The following ANKH variants were observed in gnomAD, a reference collection of about 807,000 sequenced individuals.
ANKH encodes ANKH inorganic pyrophosphate transport regulator.
Under a neutral mutation model 49.0 loss-of-function variants are expected in ANKH, and 15 were observed. The ratio of observed to expected loss-of-function variants is 0.31; its 90% CI spans 0.20 to 0.47. The LOEUF (loss-of-function observed/expected upper bound fraction) is 0.47. ANKH is among the 20% of genes least tolerant of loss of function. The pLI is 1.00. For missense variants in ANKH, 429 were observed against 652.0 expected (o/e 0.66, Z 3.72); for synonymous variants, 273 against 260.0 (o/e 1.05, Z -0.48).
At chr5:14,839,656 C>G (rs972793355) in intron 1 of ANKH, among the ~76,000 whole-genome samples, 1 of 152,166 alleles carries the variant, frequency 6.6e-6, no homozygotes, top group African/African-American at 2.4e-5. Flanking sequence ...ACTACCAAAG[C>G]TCAAGCCGTC....
At chr5:14,845,366 A>T (rs58167950) in intron 1 of ANKH, among the ~76,000 whole-genome samples, 3,730 of 75,610 alleles carry the variant, frequency 0.049, 146 homozygotes, top group African/African-American at 0.17. Context: ...ATATATATAT[A>T]TTTTTTTTTT....
At chr5:14,802,801 A>G (rs1248457228) in intron 1 of ANKH, among the ~76,000 whole-genome samples, 1 of 151,884 alleles carries the variant, frequency 6.6e-6, no homozygotes, top group Non-Finnish European at 1.5e-5. Context: ...GGGCTGGGTT[A>G]GCTCCCCACC....
chr5:14,829,303 C>T (rs566975342), intron 1 of ANKH, among the ~76,000 whole-genome samples: 2 of 151,752 alleles, frequency 1.3e-5, no homozygotes, highest in East Asian at 3.9e-4. Context: ...TCCAGAAAGG[C>T]TTACCCAGAA....
intron 1 of ANKH, among the ~76,000 whole-genome samples, chr5:14,817,218 GGC>G (rs1741063632): frequency 2.0e-5 from 3 of 152,128 alleles, no homozygotes; most frequent in Admixed American, 2.0e-4. Flanking sequence ...GGTGCATTTT[GGC>G]AGCCCTGTGT....
chr5:14,801,985 T>A (rs1740578428), intron 1 of ANKH, among the ~76,000 whole-genome samples: 1 of 152,210 alleles, frequency 6.6e-6, no homozygotes, highest in Non-Finnish European at 1.5e-5. Flanking sequence ...CATTTCCTAC[T>A]GTGCATTGCT....
intron 9 of ANKH, among the ~76,000 whole-genome samples, chr5:14,715,901 C>A (rs76769069): frequency 6.6e-6 from 1 of 152,242 alleles, no homozygotes; most frequent in Admixed American, 6.5e-5. Flanking sequence ...TCTTTTCTGA[C>A]CATCCATCTG....
chr5:14,771,861 C>T (rs1739439654), intron 1 of ANKH, among the ~76,000 whole-genome samples: 1 of 140,834 alleles, frequency 7.1e-6, no homozygotes, highest in South Asian at 2.3e-4. Context: ...TTGCGATGAG[C>T]TGAGATCATG....
intron 1 of ANKH, chr5:14,798,362 T>C: frequency 1.3e-6 from 2 of 1,561,384 alleles, no homozygotes; most frequent in Non-Finnish European, 1.8e-6. Context: ...TCACTCATTC[T>C]TCCACTGTGT....
chr5:14,714,097 C>T (rs536420231), intron 9 of ANKH, among the ~76,000 whole-genome samples: 15 of 152,388 alleles, frequency 9.8e-5, no homozygotes, highest in Non-Finnish European at 1.8e-4. Context: ...TCCCTGCCTG[C>T]GGTCAGAGGT....
intron 2 of ANKH, among the ~76,000 whole-genome samples, chr5:14,764,019 C>T (rs921910801): frequency 3.7e-4 from 56 of 151,676 alleles, no homozygotes; most frequent in African/African-American, 9.2e-4. Context: ...GCCTGGGAGG[C>T]GGAGGTTGCA....
intron 1 of ANKH, among the ~76,000 whole-genome samples, chr5:14,831,032 A>AT (rs781217781): frequency 1.3e-5 from 2 of 152,200 alleles, no homozygotes; most frequent in Non-Finnish European, 1.5e-5. Context: ...CAAAAAAAGA[A>AT]TTTTTTGAAT....
chr5:14,754,712 C>T (rs1738824497), intron 4 of ANKH, among the ~76,000 whole-genome samples: 2 of 151,878 alleles, frequency 1.3e-5, no homozygotes, highest in Non-Finnish European at 1.5e-5. Context: ...GTTCAACAGT[C>T]GATTATTTCA....
At chr5:14,761,313 C>T (rs1739071351) in intron 2 of ANKH, among the ~76,000 whole-genome samples, 1 of 152,192 alleles carries the variant, frequency 6.6e-6, no homozygotes, top group Admixed American at 6.5e-5. Context: ...AGCCCTGGAA[C>T]ACAGGTACAA....
Position 14,755,845 on chromosome 5 carries a change from C to T in ANKH, c.516+16G>A, listed in dbSNP as rs1738867725. On this transcript the variant is annotated intron_variant, in intron 4 of 11. Coordinates refer to ENST00000284268, the MANE Select transcript of ANKH (RefSeq NM_054027.6). The stretch of plus-strand genomic sequence containing the variant: ...GGACTCTGAGGAGCTCTGATTGACA[C>T]ACAGACCATATTTACCTGAGCTATG... 5 of 1,611,508 alleles carry T rather than the reference C, an allele frequency of 3.1e-6. No individual in the cohort carries two copies. Among genetic ancestry groups the T allele is most frequent in the Non-Finnish European group, 4.2e-6 (5 of 1,177,612 alleles).
At position 14,716,690 on chromosome 5, in the gene ANKH, T is replaced by A; in HGVS notation, c.1141+16A>T. On this transcript the variant is annotated intron_variant, in intron 9 of 11. Coordinates refer to ENST00000284268, the MANE Select transcript of ANKH (RefSeq NM_054027.6). The stretch of plus-strand genomic sequence containing the variant: ...AGGATAAACAGGAATGCTTCCTTCA[T>A]TCTGTTTTTCTTTACCTGGAACTGG... 6.2e-7 allele frequency: 1 copy of A among 1,613,820 alleles called. No homozygotes were observed. The highest frequency in any genetic ancestry group is 8.5e-7 in the Non-Finnish European group (1 of 1,179,790).
chr5:14,755,939 C>T lies in ANKH; in HGVS notation c.438G>A (p.Trp146Ter). 6.2e-7 allele frequency: 1 copy of T among 1,613,898 alleles called. No homozygotes were observed. The change falls in exon 4 of 12, where the codon TGG becomes TGA. Residue 146 changes from tryptophan (W) to a stop codon, truncating the protein, a stop_gained. Transcript: ENST00000284268. LOFTEE classifies it high-confidence loss of function. ...AAFPFMDAMA[W>*]THAGILLKHK... ...GTTTTAAGAGAATGCCAGCATGGGT[C>T]CATGCCTGCCAGAAAGAAAAGAATT...
intron 9 of ANKH, among the ~76,000 whole-genome samples, chr5:14,714,154 C>T (rs1737352898): frequency 6.6e-6 from 1 of 152,232 alleles, no homozygotes; most frequent in African/African-American, 2.4e-5. Flanking sequence ...CTCGTCCCCA[C>T]TTCCCTCTGT....
chr5:14,756,539 T>C (rs1017579327), intron 3 of ANKH, among the ~76,000 whole-genome samples: 1 of 152,164 alleles, frequency 6.6e-6, no homozygotes, highest in African/African-American at 2.4e-5. Flanking sequence ...TTAAGGATCA[T>C]CCTTCTTACC....
chr5:14,752,546 A>G (rs1413484593), intron 4 of ANKH, among the ~76,000 whole-genome samples: 2 of 152,200 alleles, frequency 1.3e-5, no homozygotes, highest in Non-Finnish European at 2.9e-5. Flanking sequence ...GCCTTTGTCT[A>G]GAGTCCTCCT....
Sources: allele counts gnomAD v4.1 joint callset (sites outside exome capture counted in the v4.1 genomes callset), GRCh38; gene constraint gnomAD v4.1.1; transcripts MANE v1.5; gene names NCBI Gene and HGNC (gene_info 2026-07-23, HGNC 2026-07-21).